Variants in ANK2 observed in about 807,000 individuals in gnomAD.
The protein encoded by ANK2 is ankyrin 2, also known as ankyrin-2.
Under a neutral mutation model 360.5 loss-of-function variants are expected in ANK2, and 83 were observed. The observed-to-expected ratio is 0.23, with a 90% CI of 0.19 to 0.28. The LOEUF (loss-of-function observed/expected upper bound fraction) is 0.28. Among genes scored for constraint, ANK2 ranks in the 10% least tolerant of loss-of-function variants. ANK2 has a pLI of 1.00. For synonymous variants in ANK2, 1,740 were observed against 1,759.5 expected, an observed-to-expected ratio of 0.99 and a Z score of 0.28; for missense variants, 4,201 against 4,795.7, an observed-to-expected ratio of 0.88 and a Z score of 3.66.
chr4:113,046,714 G>C (rs1053523760), upstream of ANK2, among the ~76,000 whole-genome samples: 4 of 151,980 alleles, frequency 2.6e-5, no homozygotes, highest in South Asian at 4.2e-4. Flanking sequence ...CCTCGTCTCA[G>C]GTATTTTGTT....
At chr4:113,259,807 T>A (rs912630882) in intron 13 of ANK2, among the ~76,000 whole-genome samples, 34 of 150,384 alleles carry the variant, frequency 2.3e-4, no homozygotes, top group African/African-American at 8.0e-4. Context: ...ACTACCTTTT[T>A]TTTTCTTTTT....
intron 1 of ANK2, among the ~76,000 whole-genome samples, chr4:112,862,388 C>T (rs2068409442): frequency 6.6e-6 from 1 of 152,158 alleles, no homozygotes; most frequent in Non-Finnish European, 1.5e-5. Context: ...CTAAGCTACA[C>T]TTTTTGACAT....
chr4:112,988,428 C>T (rs2045667481), intron 2 of ANK2, among the ~76,000 whole-genome samples: 1 of 152,136 alleles, frequency 6.6e-6, no homozygotes, highest in Non-Finnish European at 1.5e-5. Context: ...TTTCAGCTCT[C>T]ACTGGAGTGG....
At chr4:113,305,648 T>C in intron 23 of ANK2, among the ~76,000 whole-genome samples, 1 of 152,194 alleles carries the variant, frequency 6.6e-6, no homozygotes, top group Admixed American at 6.5e-5. Context: ...AAAATTAGTG[T>C]GAAGGAAATT....
chr4:112,823,632 C>G (rs542846473), intron 1 of ANK2, among the ~76,000 whole-genome samples: 47 of 151,236 alleles, frequency 3.1e-4, no homozygotes, highest in South Asian at 8.3e-4. Flanking sequence ...TTGTAAATTT[C>G]ACTCTTTGAG....
chr4:113,278,397 T>A (rs1335464529), intron 16 of ANK2, 63 bp from the exon 17 acceptor site: 9 of 1,389,584 alleles, frequency 6.5e-6, no homozygotes, highest in Non-Finnish European at 9.2e-6. Context: ...CCAGGCATCC[T>A]GGTAGCTTCA....
rs2093448138 is a variant in ANK2, at chr4:113,335,777, A to G, written c.3380-69A>G. The G allele has an allele frequency of 5.5e-6, 8 of 1,467,168 alleles. No homozygotes were observed. In the South Asian group the frequency reaches 9.1e-5, roughly 17 times the overall value. The allele number at this position is 1,467,168 out of a possible 1,614,324, so 90.9% of individuals were successfully genotyped here. A position where few individuals can be genotyped will look rare whatever the true frequency, so the allele number is the denominator to read the frequency against. On this transcript the variant is annotated intron_variant, in intron 29 of 45. Transcript: ENST00000357077. The stretch of plus-strand genomic sequence containing the variant: ...CTGTTCATTATTAACCGAGCGAATG[A>G]GTTGGCTAGAATGCTGTTAGAAGGA...
At chr4:113,255,588 C>T in intron 10 of ANK2, 147 bp from the exon 11 acceptor site, 4 of 756,062 alleles carry the variant, frequency 5.3e-6, no homozygotes, top group South Asian at 5.2e-5. Context: ...GAAATATAGT[C>T]TGCTGTATAT....
At chr4:113,061,518 A>G (rs2073352083) in intron 1 of ANK2, among the ~76,000 whole-genome samples, 1 of 152,098 alleles carries the variant, frequency 6.6e-6, no homozygotes, top group Admixed American at 6.6e-5. Flanking sequence ...CTGTCAGGAG[A>G]TAATTTTTGT....
At chr4:112,866,900 A>G (rs2070790446) in intron 1 of ANK2, among the ~76,000 whole-genome samples, 1 of 152,254 alleles carries the variant, frequency 6.6e-6, no homozygotes, top group South Asian at 2.1e-4. Context: ...TCCTTGTATC[A>G]AATCTTTTAA....
chr4:113,202,370 G>A (rs2098842422), intron 4 of ANK2, among the ~76,000 whole-genome samples: 1 of 152,082 alleles, frequency 6.6e-6, no homozygotes, highest in Admixed American at 6.6e-5. Context: ...TGGGAGACTT[G>A]CTTATGGCAG....
chr4:112,761,582 T>C, the ANK2 span, among the ~76,000 whole-genome samples: 1 of 152,084 alleles, frequency 6.6e-6, no homozygotes, highest in Non-Finnish European at 1.5e-5. Context: ...ATCACGCCAC[T>C]GCACTCCAGC....
intron 2 of ANK2, among the ~76,000 whole-genome samples, chr4:112,972,633 A>G (rs2039948911): frequency 6.6e-6 from 1 of 152,124 alleles, no homozygotes; most frequent in South Asian, 2.1e-4. Flanking sequence ...GTGTGATAGT[A>G]ATCTAACACC....
At chr4:113,087,830 A>T (rs776143253) in intron 1 of ANK2, among the ~76,000 whole-genome samples, 3 of 152,008 alleles carry the variant, frequency 2.0e-5, no homozygotes, top group Admixed American at 6.6e-5. Flanking sequence ...TTTTCAGGAG[A>T]TGTAATGTAT....
intron 1 of ANK2, among the ~76,000 whole-genome samples, chr4:112,828,925 G>A (rs951138255): frequency 2.0e-5 from 3 of 152,154 alleles, no homozygotes; most frequent in Non-Finnish European, 2.9e-5. Context: ...AGATGGAGTC[G>A]GGTGGATCAC....
the ANK2 span, among the ~76,000 whole-genome samples, chr4:112,750,034 G>A: frequency 1.5e-4 from 22 of 150,796 alleles, no homozygotes; most frequent in Non-Finnish European, 3.1e-4. Context: ...GTGAGCCACC[G>A]CTCCTGGCAT....
chr4:112,708,747 T>C, the ANK2 span, among the ~76,000 whole-genome samples: 1 of 152,220 alleles, frequency 6.6e-6, no homozygotes, highest in East Asian at 1.9e-4. Flanking sequence ...ACTTTTTGTT[T>C]TGATCACTCC....
intron 2 of ANK2, among the ~76,000 whole-genome samples, chr4:112,985,784 G>A (rs977462226): frequency 6.6e-6 from 1 of 152,040 alleles, no homozygotes; most frequent in Non-Finnish European, 1.5e-5. Flanking sequence ...GGGACAGTAG[G>A]CATTGATTAA....
chr4:113,281,335 T>G lies in ANK2; in HGVS notation c.1882-1340T>G, dbSNP rs1240541367. ...GGCAGATCGCTTGAGCTCATGAGTT[T>G]GAGACCAGCCTGGGCAACATGGTGA... On this transcript the variant is annotated intron_variant, in intron 17 of 45. Coordinates refer to ENST00000357077, the MANE Select transcript of ANK2 (RefSeq NM_001148.6). Among the ~76,000 whole-genome samples the G allele has an allele frequency of 2.6e-5, 4 of 152,012 alleles. No individual in the cohort carries two copies. In the East Asian group the frequency reaches 7.7e-4, roughly 29 times the overall value.
Sources: allele counts gnomAD v4.1 joint callset (sites outside exome capture counted in the v4.1 genomes callset), GRCh38; gene constraint gnomAD v4.1.1; transcripts MANE v1.5; gene names NCBI Gene and HGNC (gene_info 2026-07-23, HGNC 2026-07-21).